Variants in SMAD1 observed in about 807,000 individuals in gnomAD.
SMAD1 encodes SMAD family member 1.
SMAD1 carries 6 observed loss-of-function variants against 41.6 expected under a neutral mutation model. That is an observed-to-expected ratio of 0.14 (90% CI 0.08 to 0.28). The LOEUF (loss-of-function observed/expected upper bound fraction) is 0.28, where lower values mean the gene tolerates loss of function less well. Ranked by LOEUF, SMAD1 falls within the 10% of genes least tolerant of loss-of-function variation. The pLI, the probability that SMAD1 is intolerant of heterozygous loss-of-function variation, is 1.00. For missense variants in SMAD1, 379 were observed against 582.6 expected, an observed-to-expected ratio of 0.65 and a Z score of 3.60; for synonymous variants, 206 against 203.2, an observed-to-expected ratio of 1.01 and a Z score of -0.12.
intron 5 of SMAD1, among the ~76,000 whole-genome samples, chr4:145,548,910 TGA>T (rs1468425966): frequency 6.6e-6 from 1 of 152,168 alleles, no homozygotes; most frequent in Non-Finnish European, 1.5e-5. Flanking sequence ...TCATCACCAA[TGA>T]GAGACAGATG....
At chr4:145,543,722 A>G (rs1732081086) in intron 4 of SMAD1, among the ~76,000 whole-genome samples, 2 of 152,206 alleles carry the variant, frequency 1.3e-5, no homozygotes, top group Admixed American at 1.3e-4. Flanking sequence ...ACTCAGGTAA[A>G]TAAGTTCGGT....
intron 1 of SMAD1, chr4:145,497,036 A>G (rs536028892): frequency 1.3e-5 from 2 of 152,366 alleles, no homozygotes; most frequent in East Asian, 3.9e-4. Flanking sequence ...GATTTTCCAC[A>G]GCAATTTTTG....
chr4:145,530,744 A>G (rs1399218328), intron 2 of SMAD1, among the ~76,000 whole-genome samples: 1 of 151,628 alleles, frequency 6.6e-6, no homozygotes, highest in African/African-American at 2.4e-5. Flanking sequence ...GCCCCCAAAA[A>G]AACAAACAGA....
chr4:145,507,929 C>G (rs1729878697), intron 1 of SMAD1, among the ~76,000 whole-genome samples: 1 of 152,064 alleles, frequency 6.6e-6, no homozygotes, highest in Non-Finnish European at 1.5e-5. Flanking sequence ...ATGCTTAACT[C>G]AGGTAAAAAT....
intron 2 of SMAD1, among the ~76,000 whole-genome samples, chr4:145,526,609 C>T (rs56695028): frequency 1.4e-3 from 215 of 152,116 alleles, no homozygotes; most frequent in African/African-American, 3.9e-3. Context: ...ATTTGATCAA[C>T]GGAATAATTA....
intron 5 of SMAD1, among the ~76,000 whole-genome samples, chr4:145,552,892 ATGTTGT>A (rs111591261): frequency 4.6e-5 from 7 of 151,086 alleles, no homozygotes; most frequent in African/African-American, 1.2e-4. Flanking sequence ...AAATTGCTAC[ATGTTGT>A]TGTTGTTGTT....
intron 1 of SMAD1, among the ~76,000 whole-genome samples, chr4:145,490,372 A>G (rs1728708157): frequency 5.3e-5 from 8 of 152,136 alleles, no homozygotes; most frequent in Admixed American, 5.2e-4. Context: ...TTTCACTGGG[A>G]TGGTGAGGAG....
intron 4 of SMAD1, chr4:145,544,584 A>G (rs1455957659): frequency 6.6e-6 from 1 of 152,088 alleles, no homozygotes; most frequent in Admixed American, 6.6e-5. Flanking sequence ...TCAGTCTCAA[A>G]AAAAAAAAAG....
intron 1 of SMAD1, among the ~76,000 whole-genome samples, chr4:145,489,045 A>G (rs1728639708): frequency 6.6e-6 from 1 of 152,232 alleles, no homozygotes; most frequent in African/African-American, 2.4e-5. Context: ...AGCACTGTCC[A>G]ATAGAATTTC....
chr4:145,538,056 A>G (rs1329666001), intron 2 of SMAD1, among the ~76,000 whole-genome samples: 1 of 152,194 alleles, frequency 6.6e-6, no homozygotes, highest in African/African-American at 2.4e-5. Flanking sequence ...TTAGGGGCCA[A>G]TGTTTCCCCC....
intron 1 of SMAD1, among the ~76,000 whole-genome samples, chr4:145,483,790 C>T (rs958519777): frequency 5.9e-5 from 9 of 152,262 alleles, no homozygotes; most frequent in Admixed American, 5.2e-4. Flanking sequence ...CGAGTTTCTT[C>T]TGAGGGTAGG....
chr4:145,488,565 C>A (rs1282440986), intron 1 of SMAD1, among the ~76,000 whole-genome samples: 1 of 148,654 alleles, frequency 6.7e-6, no homozygotes. Flanking sequence ...GCTTTTTTTT[C>A]TTTTAGTTTC....
intron 1 of SMAD1, among the ~76,000 whole-genome samples, chr4:145,512,412 T>C (rs1730131263): frequency 6.6e-6 from 1 of 152,204 alleles, no homozygotes; most frequent in Non-Finnish European, 1.5e-5. Context: ...TATGTCTCCT[T>C]AGTTCTTTAT....
At chr4:145,550,412 C>T (rs1560764678) in intron 5 of SMAD1, among the ~76,000 whole-genome samples, 1 of 152,090 alleles carries the variant, frequency 6.6e-6, no homozygotes, top group Non-Finnish European at 1.5e-5. Flanking sequence ...ACTCGGGAGA[C>T]AGAGGCAAAG....
At chr4:145,507,850 C>G (rs1207607750) in intron 1 of SMAD1, among the ~76,000 whole-genome samples, 1 of 152,056 alleles carries the variant, frequency 6.6e-6, no homozygotes, top group Non-Finnish European at 1.5e-5. Flanking sequence ...TTGCCAAGGC[C>G]ATAGTATCAT....
intron 5 of SMAD1, 30 bp downstream of exon 5, chr4:145,546,954 G>A: frequency 6.5e-7 from 1 of 1,529,554 alleles, no homozygotes; most frequent in Non-Finnish European, 9.1e-7. Context: ...TCTTTCAGAT[G>A]TTTATCTGTT....
chr4:145,505,841 G>A (rs979128913), intron 1 of SMAD1, among the ~76,000 whole-genome samples: 126 of 152,046 alleles, frequency 8.3e-4, no homozygotes, highest in African/African-American at 3.0e-3. Context: ...GAAAAAAAAG[G>A]TCAAACAATT....
intron 1 of SMAD1, among the ~76,000 whole-genome samples, chr4:145,499,472 T>C (rs1052060770): frequency 3.3e-5 from 5 of 152,044 alleles, no homozygotes; most frequent in African/African-American, 1.2e-4. Context: ...AATCCAAAAA[T>C]TAGCCAGGCG....
rs1732955716 is a variant in SMAD1, at chr4:145,558,205, C to G, written c.*271C>G. The G allele has an allele frequency of 7.6e-6, 2 of 262,006 alleles. No homozygotes were observed. The highest frequency in any genetic ancestry group is 1.4e-5 in the Non-Finnish European group (2 of 139,674). 16.2% of individuals were successfully genotyped at this position (262,006 alleles called of 1,614,324 possible). ...CAGACTTTTAGCAGGACTTTGTGTACAGTTAAAGGAGAGATGGCCAAGCCA... is the reference window on the plus strand; with the variant it reads ...CAGACTTTTAGCAGGACTTTGTGTAGAGTTAAAGGAGAGATGGCCAAGCCA... On this transcript the variant is annotated 3_prime_UTR_variant, in exon 7 of 7. Transcript: ENST00000302085.
Sources: allele counts gnomAD v4.1 joint callset (sites outside exome capture counted in the v4.1 genomes callset), GRCh38; gene constraint gnomAD v4.1.1; transcripts MANE v1.5; gene names NCBI Gene and HGNC (gene_info 2026-07-23, HGNC 2026-07-21).